Variants in CTNNA3 observed in about 807,000 individuals in gnomAD.
The protein encoded by CTNNA3 is catenin alpha-3.
A neutral mutation model predicts 95.7 loss-of-function variants in CTNNA3; 76 were observed. The observed-to-expected ratio is 0.79, with a 90% CI of 0.66 to 0.96. CTNNA3 has a LOEUF of 0.96. Among genes scored for constraint, CTNNA3 ranks in the 40% least tolerant of loss-of-function variants. CTNNA3 has a pLI of 0.00. For synonymous variants in CTNNA3, 431 were observed against 374.4 expected, an observed-to-expected ratio of 1.15 and a Z score of -1.74; for missense variants, 1,191 against 1,089.8, an observed-to-expected ratio of 1.09 and a Z score of -1.31.
chr10:67,060,909 A>G (rs537380989), intron 7 of CTNNA3, among the ~76,000 whole-genome samples: 2 of 152,210 alleles, frequency 1.3e-5, no homozygotes, highest in Non-Finnish European at 2.9e-5. Context: ...ACAGTGCAGC[A>G]TAGACTAGCC....
chr10:67,283,404 G>A (rs183141935), intron 5 of CTNNA3, among the ~76,000 whole-genome samples: 1 of 152,220 alleles, frequency 6.6e-6, no homozygotes, highest in African/African-American at 2.4e-5. Context: ...AGGCAAAATG[G>A]CAGATGACCT....
chr10:66,384,072 A>T (rs539235151), intron 11 of CTNNA3, among the ~76,000 whole-genome samples: 1 of 152,314 alleles, frequency 6.6e-6, no homozygotes, highest in African/African-American at 2.4e-5. Flanking sequence ...CATCATAATG[A>T]CAGGATCAAA....
intron 7 of CTNNA3, among the ~76,000 whole-genome samples, chr10:66,876,244 A>C (rs1366513382): frequency 6.6e-6 from 1 of 152,174 alleles, no homozygotes. Flanking sequence ...AAGCAACAAC[A>C]ACAAACTAGT....
intron 13 of CTNNA3, among the ~76,000 whole-genome samples, chr10:66,184,020 A>G (rs1454204105): frequency 6.6e-6 from 1 of 152,178 alleles, no homozygotes; most frequent in Non-Finnish European, 1.5e-5. Flanking sequence ...TGAGGTTTTT[A>G]TAAAAGAAAA....
intron 5 of CTNNA3, among the ~76,000 whole-genome samples, chr10:67,440,620 GGCA>G (rs534077562): frequency 3.7e-4 from 57 of 152,086 alleles, no homozygotes; most frequent in Non-Finnish European, 7.9e-4. Flanking sequence ...CCCAGATGCA[GGCA>G]GCTCAGCACA....
intron 13 of CTNNA3, among the ~76,000 whole-genome samples, chr10:66,187,878 CATTCACAGGGAGAAA>C (rs2086425577): frequency 6.6e-6 from 1 of 151,940 alleles, no homozygotes; most frequent in African/African-American, 2.4e-5. Context: ...AATAAAGGGC[CATTCACAGGGAGAAA>C]AAAAGCAGTG....
intron 11 of CTNNA3, among the ~76,000 whole-genome samples, chr10:66,457,195 A>C (rs925359824): frequency 1.3e-5 from 2 of 152,162 alleles, no homozygotes. Context: ...ATAATTTAAA[A>C]ACAGATCAGT....
chr10:66,959,421 G>A (rs1026149624), intron 7 of CTNNA3, among the ~76,000 whole-genome samples: 2 of 152,116 alleles, frequency 1.3e-5, no homozygotes, highest in Non-Finnish European at 2.9e-5. Flanking sequence ...ATTTTATGAA[G>A]AGGAGTCAGG....
At chr10:66,378,799 C>G (rs2092813688) in intron 12 of CTNNA3, among the ~76,000 whole-genome samples, 1 of 152,088 alleles carries the variant, frequency 6.6e-6, no homozygotes, top group Admixed American at 6.6e-5. Context: ...TTAGGGATAT[C>G]AATGATACAG....
At chr10:67,524,834 G>T (rs17523797) in intron 4 of CTNNA3, among the ~76,000 whole-genome samples, 1,884 of 152,248 alleles carry the variant, frequency 0.012, 26 homozygotes, top group Middle Eastern at 0.041. Flanking sequence ...TGATGCTGAA[G>T]TACAGAAGAT....
chr10:67,546,994 C>T (rs1840863510), intron 3 of CTNNA3, among the ~76,000 whole-genome samples: 1 of 152,134 alleles, frequency 6.6e-6, no homozygotes, highest in Non-Finnish European at 1.5e-5. Flanking sequence ...CTAACCCTTA[C>T]AAACAGTTCA....
intron 9 of CTNNA3, among the ~76,000 whole-genome samples, chr10:66,680,238 G>A (rs1338430977): frequency 6.6e-6 from 1 of 151,706 alleles, no homozygotes; most frequent in Non-Finnish European, 1.5e-5. Context: ...CACTGTGTTA[G>A]CCAGGATGGT....
chr10:67,649,125 C>T (rs937082272), intron 1 of CTNNA3, among the ~76,000 whole-genome samples: 46 of 152,292 alleles, frequency 3.0e-4, no homozygotes, highest in African/African-American at 9.1e-4. Context: ...TACTCCTCTA[C>T]GACAGGTACT....
intron 9 of CTNNA3, among the ~76,000 whole-genome samples, chr10:66,726,246 T>C (rs1848777476): frequency 1.3e-5 from 2 of 152,054 alleles, no homozygotes; most frequent in Non-Finnish European, 1.5e-5. Context: ...GACACAAAAA[T>C]CAGAGTGGCC....
At chr10:67,482,813 C>A (rs1717978829) in intron 5 of CTNNA3, among the ~76,000 whole-genome samples, 2 of 152,138 alleles carry the variant, frequency 1.3e-5, no homozygotes, top group Admixed American at 1.3e-4. Flanking sequence ...GAGAGGGCAT[C>A]CCTGTCTTGT....
intron 13 of CTNNA3, among the ~76,000 whole-genome samples, chr10:66,168,853 C>T (rs2085274294): frequency 6.6e-6 from 1 of 152,044 alleles, no homozygotes; most frequent in South Asian, 2.1e-4. Context: ...TAATAATTGA[C>T]AAAAGAAGAC....
chr10:66,816,072 C>G (rs1433453619), intron 7 of CTNNA3, among the ~76,000 whole-genome samples: 2 of 152,130 alleles, frequency 1.3e-5, no homozygotes, highest in Non-Finnish European at 2.9e-5. Context: ...GAAAATGAAT[C>G]TATAGAGGAG....
intron 3 of CTNNA3, among the ~76,000 whole-genome samples, chr10:67,558,869 G>C (rs565543159): frequency 5.3e-5 from 8 of 152,204 alleles, no homozygotes; most frequent in Non-Finnish European, 1.2e-4. Context: ...CTACGCCCAC[G>C]GAGTCTCGCT....
intron 3 of CTNNA3, among the ~76,000 whole-genome samples, chr10:67,560,761 C>T (rs1247473860): frequency 6.6e-6 from 1 of 151,976 alleles, no homozygotes; most frequent in Non-Finnish European, 1.5e-5. Context: ...TGCAGAGACA[C>T]ACATAGGCTC....
Sources: gnomAD v4.1 joint callset for allele counts (sites outside exome capture counted in the v4.1 genomes callset) on GRCh38, gnomAD v4.1.1 for gene constraint, MANE v1.5 for transcripts, NCBI Gene and HGNC (gene_info 2026-07-23, HGNC 2026-07-21) for gene names.